TRIP4: variants seen among roughly 807,000 people sequenced by gnomAD.
TRIP4 encodes thyroid hormone receptor interactor 4, also known as activating signal cointegrator 1.
In TRIP4, 54 loss-of-function variants were observed where a neutral mutation model predicts 81.8. The observed-to-expected ratio is 0.66, with a 90% CI of 0.53 to 0.83. TRIP4 has a LOEUF of 0.83. TRIP4 is among the 40% of genes least tolerant of loss of function. TRIP4 has a pLI of 0.00. For synonymous variants in TRIP4, 270 were observed against 242.8 expected, an observed-to-expected ratio of 1.11 and a Z score of -1.04; for missense variants, 662 against 683.6, an observed-to-expected ratio of 0.97 and a Z score of 0.35.
At chr15:64,437,423 CAAAA>C (rs536806947) in intron 11 of TRIP4, among the ~76,000 whole-genome samples, 57 of 149,202 alleles carry the variant, frequency 3.8e-4, no homozygotes, top group Non-Finnish European at 6.5e-4. Context: ...TCTCAAAAAA[CAAAA>C]AAGAAAAAAA....
At position 64,424,099 on chromosome 15, in the gene TRIP4, C is replaced by G. The variant is rs1429221684; in HGVS notation, c.1427C>G (p.Pro476Arg). Residue 476 changes from proline to arginine, a missense_variant, in exon 10 of 13, where the codon CCC becomes CGC. Coordinates refer to ENST00000261884, the MANE Select transcript of TRIP4 (RefSeq NM_016213.5). ...TGGATAGCAGCCACAGCTAAAAAAC[C>G]CTCCCCTCAAGAAGTCTCAGAACTC... Reference protein sequence around the residue: ...RLWIAATAKKPSPQEVSELQA... With the variant: ...RLWIAATAKKRSPQEVSELQA... 6.2e-7 allele frequency: 1 copy of G among 1,614,100 alleles called. No homozygotes were observed. Among genetic ancestry groups the G allele is most frequent in the East Asian group, 2.2e-5 (1 of 44,874 alleles).
intron 11 of TRIP4, among the ~76,000 whole-genome samples, chr15:64,440,328 T>C (rs964536011): frequency 2.6e-5 from 4 of 152,072 alleles, no homozygotes; most frequent in African/African-American, 9.7e-5. Context: ...CTGGGTAATC[T>C]GCATTTTAGT....
At chr15:64,422,886 G>T (rs149764950) in intron 9 of TRIP4, among the ~76,000 whole-genome samples, 7 of 152,160 alleles carry the variant, frequency 4.6e-5, no homozygotes, top group African/African-American at 1.7e-4. Flanking sequence ...TCCCCATATC[G>T]TGCACCTACT....
At chr15:64,430,836 T>C (rs905578445) in intron 11 of TRIP4, among the ~76,000 whole-genome samples, 9 of 152,244 alleles carry the variant, frequency 5.9e-5, no homozygotes, top group African/African-American at 2.2e-4. Context: ...GAAGCAGTTA[T>C]ACTGCTGGGT....
chr15:64,448,272 A>T (rs539731334), intron 12 of TRIP4, among the ~76,000 whole-genome samples: 3 of 152,200 alleles, frequency 2.0e-5, no homozygotes, highest in Non-Finnish European at 4.4e-5. Context: ...ATTTCTCTGA[A>T]ATGTTTTACT....
chr15:64,412,354 C>A (rs976295136), intron 7 of TRIP4, among the ~76,000 whole-genome samples: 9 of 151,822 alleles, frequency 5.9e-5, no homozygotes, highest in Non-Finnish European at 1.0e-4. Flanking sequence ...CTGATTTTTC[C>A]TTGGTTTGGA....
intron 1 of TRIP4, among the ~76,000 whole-genome samples, chr15:64,391,831 C>T (rs960883260): frequency 3.3e-5 from 5 of 151,154 alleles, no homozygotes; most frequent in South Asian, 4.2e-4. Flanking sequence ...ATTAGCCGGG[C>T]GCAGTGGTGC....
chr15:64,450,107 G>C (rs1209749319), intron 12 of TRIP4, among the ~76,000 whole-genome samples: 1 of 152,210 alleles, frequency 6.6e-6, no homozygotes. Flanking sequence ...TAGAAGCCCA[G>C]GGTGGGCTGG....
At chr15:64,401,049 C>T (rs1197523369) in intron 5 of TRIP4, among the ~76,000 whole-genome samples, 3 of 151,974 alleles carry the variant, frequency 2.0e-5, no homozygotes, top group East Asian at 3.9e-4. Context: ...GCAACCTCCG[C>T]CTCCTGGGTT....
At chr15:64,398,273 A>G (rs1208878061) in intron 4 of TRIP4, among the ~76,000 whole-genome samples, 1 of 151,798 alleles carries the variant, frequency 6.6e-6, no homozygotes, top group Non-Finnish European at 1.5e-5. Context: ...GATTAGTTAG[A>G]AACCCAAGGT....
intron 5 of TRIP4, among the ~76,000 whole-genome samples, chr15:64,401,897 A>G (rs1399251372): frequency 6.6e-6 from 1 of 152,220 alleles, no homozygotes; most frequent in Non-Finnish European, 1.5e-5. Context: ...TTACAATGTC[A>G]TGAAAGACAA....
At chr15:64,432,811 T>C (rs1299747908) in intron 11 of TRIP4, among the ~76,000 whole-genome samples, 4 of 151,706 alleles carry the variant, frequency 2.6e-5, no homozygotes, top group Non-Finnish European at 5.9e-5. Flanking sequence ...CTCGGGAGGC[T>C]GAGGCAGGAG....
intron 12 of TRIP4, among the ~76,000 whole-genome samples, chr15:64,449,891 AT>A (rs1298493584): frequency 6.6e-6 from 1 of 152,152 alleles, no homozygotes; most frequent in African/African-American, 2.4e-5. Flanking sequence ...AATGACAAAT[AT>A]TTTTTCCCCT....
At chr15:64,392,236 T>G (rs534157728) in intron 1 of TRIP4, among the ~76,000 whole-genome samples, 1 of 152,144 alleles carries the variant, frequency 6.6e-6, no homozygotes, top group East Asian at 1.9e-4. Context: ...AGATGGAGTT[T>G]GCAGTGAGCT....
intron 1 of TRIP4, among the ~76,000 whole-genome samples, chr15:64,392,695 G>C (rs973783184): frequency 2.0e-5 from 3 of 152,046 alleles, no homozygotes; most frequent in African/African-American, 7.2e-5. Flanking sequence ...TGGCTCTGCA[G>C]CCTTCACCTC....
chr15:64,403,629 C>T (rs890401652), intron 5 of TRIP4, among the ~76,000 whole-genome samples: 3 of 152,128 alleles, frequency 2.0e-5, no homozygotes, highest in Non-Finnish European at 4.4e-5. Context: ...CATTTTCCAA[C>T]TAATTCATAA....
rs139026405 is a variant in TRIP4 at position 64,402,899 on chromosome 15, G to A, written c.697+2078G>A. Among the ~76,000 whole-genome samples the A allele has an allele frequency of 3.3e-5, 5 of 151,902 alleles. No individual in the cohort carries two copies. In the East Asian group the frequency reaches 5.8e-4, roughly 18 times the overall value. On this transcript the variant is annotated intron_variant, in intron 5 of 12. Coordinates refer to ENST00000261884, the MANE Select transcript of TRIP4 (RefSeq NM_016213.5). Reference sequence around the variant, plus strand: ...TTTTGAGATGGAGTCTCGCTCTGTCGCCCAGGCTGGAGTGTGGTGGCGTGA... The same window carrying A: ...TTTTGAGATGGAGTCTCGCTCTGTCACCCAGGCTGGAGTGTGGTGGCGTGA...
At chr15:64,422,475 G>C (rs1001495182) in intron 9 of TRIP4, among the ~76,000 whole-genome samples, 3 of 152,136 alleles carry the variant, frequency 2.0e-5, no homozygotes, top group Non-Finnish European at 4.4e-5. Flanking sequence ...TGAAGGTCAG[G>C]TTTCCTTGCT....
chr15:64,395,285 A>G (rs763941352), intron 2 of TRIP4, 113 bp from the exon 3 acceptor site: 30 of 827,496 alleles, frequency 3.6e-5, no homozygotes, highest in Non-Finnish European at 5.1e-5. Context: ...CTTCCTGATG[A>G]TATCTTGACT....
Sources: allele counts gnomAD v4.1 joint callset (sites outside exome capture counted in the v4.1 genomes callset), GRCh38; gene constraint gnomAD v4.1.1; transcripts MANE v1.5; gene names NCBI Gene and HGNC (gene_info 2026-07-23, HGNC 2026-07-21).